Variants in PPM1A observed in about 807,000 individuals in gnomAD.
PPM1A encodes protein phosphatase 1A.
PPM1A carries 7 observed loss-of-function variants against 35.0 expected under a neutral mutation model. The observed-to-expected ratio is 0.20, with a 90% CI of 0.11 to 0.38. The LOEUF (loss-of-function observed/expected upper bound fraction) is 0.38, where lower values mean the gene tolerates loss of function less well. Ranked by LOEUF, PPM1A falls within the 10% of genes least tolerant of loss-of-function variation. The probability of loss-of-function intolerance (pLI) is 1.00; values close to 1 mark genes in which losing one functional copy is unlikely to be tolerated. For synonymous variants in PPM1A, 153 were observed against 167.3 expected, an observed-to-expected ratio of 0.91 and a Z score of 0.66; for missense variants, 239 against 467.8, an observed-to-expected ratio of 0.51 and a Z score of 4.51.
chr14:60,271,461 T>G (rs1885097158), intron 1 of PPM1A, among the ~76,000 whole-genome samples: 1 of 152,200 alleles, frequency 6.6e-6, no homozygotes, highest in Admixed American at 6.5e-5. Context: ...TAGTCAAAAA[T>G]TGGATTAGAG....
chr14:60,250,381 T>C, intron 1 of PPM1A: 1 of 979,494 alleles, frequency 1.0e-6, no homozygotes, highest in Non-Finnish European at 1.2e-6. Flanking sequence ...TGCTTGTAGA[T>C]TTTAAATAAA....
At chr14:60,250,049 G>GGCGTCCCCGCGCCCCCACCCGCTCGGGC (rs1420602897) in intron 1 of PPM1A, among the ~76,000 whole-genome samples, 4 of 151,514 alleles carry the variant, frequency 2.6e-5, no homozygotes, top group African/African-American at 4.8e-5. Flanking sequence ...GCGGGGAGGG[G>GGCGTCCCCGCGCCCCCACCCGCTCGGGC]GCGTCCCCGC....
Position 60,294,725 on chromosome 14 carries a change from TGA to T in PPM1A, c.*2245_*2246del, listed in dbSNP as rs1432493015. On this transcript the variant is annotated 3_prime_UTR_variant, in exon 6 of 6. Coordinates refer to ENST00000395076, the MANE Select transcript of PPM1A (RefSeq NM_021003.5). ...CAGCATATTTAGAGCCTTTTTTTTT[TGA>T]GTCTTTAAACAAGAGAAAATTAAAA... 1 of 151,738 alleles carries T rather than the reference TGA, an allele frequency of 6.6e-6. No homozygotes were observed. Among genetic ancestry groups the T allele is most frequent in the East Asian group, 1.9e-4 (1 of 5,192 alleles). The allele number at this position is 151,738 out of a possible 1,614,324, so 9.4% of individuals were successfully genotyped here.
At chr14:60,265,748 G>A (rs1191321791) in intron 1 of PPM1A, among the ~76,000 whole-genome samples, 1 of 152,098 alleles carries the variant, frequency 6.6e-6, no homozygotes, top group African/African-American at 2.4e-5. Context: ...CAGATGGAAG[G>A]CAGGAATGCA....
At chr14:60,262,450 G>A (rs564250269) in intron 1 of PPM1A, among the ~76,000 whole-genome samples, 2 of 152,258 alleles carry the variant, frequency 1.3e-5, no homozygotes, top group African/African-American at 2.4e-5. Context: ...TTGGGAAGCC[G>A]AGGCGGGAGG....
At chr14:60,277,215 A>G (rs1465113178) in intron 1 of PPM1A, 1 of 200,376 alleles carries the variant, frequency 5.0e-6, no homozygotes, top group Non-Finnish European at 9.8e-6. Context: ...AATACTCTTT[A>G]TTAGTCCACT....
chr14:60,256,289 C>T (rs943755711), intron 1 of PPM1A, among the ~76,000 whole-genome samples: 30 of 137,642 alleles, frequency 2.2e-4, no homozygotes, highest in Non-Finnish European at 4.6e-4. Flanking sequence ...CGTGGTGGCA[C>T]GGGCATGGTG....
intron 1 of PPM1A, chr14:60,277,160 TTA>T: frequency 3.9e-6 from 2 of 517,852 alleles, no homozygotes; most frequent in Non-Finnish European, 5.5e-6. Context: ...CCCTTGGGAT[TTA>T]CTATTTATGG....
chr14:60,288,179 T>C (rs1202544767), intron 3 of PPM1A: 31 of 984,912 alleles, frequency 3.1e-5, no homozygotes, highest in Non-Finnish European at 3.5e-5. Flanking sequence ...TTTAAAGCTT[T>C]ACATTATTTT....
rs1204276107 is a variant in PPM1A, at chr14:60,292,795, TTTAA to T, written c.*317_*320del. 8.1e-6 allele frequency: 2 copies of T among 246,970 alleles called. No individual in the cohort carries two copies. The highest frequency in any genetic ancestry group is 4.5e-5 in the African/African-American group (2 of 44,466). The allele number at this position is 246,970 out of a possible 1,614,324, so 15.3% of individuals were successfully genotyped here. On this transcript the variant is annotated 3_prime_UTR_variant, in exon 6 of 6. Coordinates refer to ENST00000395076, the MANE Select transcript of PPM1A (RefSeq NM_021003.5). The surrounding 1 kb of genome is among the most constrained non-coding windows in gnomAD (Gnocchi z 4.2). ...ATTGTCCTTGTACAAAATGCTCATA[TTTAA>T]TTATGAACTGCTTTAAATCACTATC... is the stretch of plus-strand genomic sequence containing the variant.
In PPM1A at chr14:60,283,129, T is replaced by A; in HGVS notation, c.426T>A (p.Ile142=). ...VLISPQHTYF[I]NCGDSRGLLC... ...TTTCTCCCCAACATACTTATTTCATTAACTGTGGAGACTCAAGAGGTTTAC... is the reference window on the plus strand; with the variant it reads ...TTTCTCCCCAACATACTTATTTCATAAACTGTGGAGACTCAAGAGGTTTAC... Residue 142 remains isoleucine (I), a synonymous_variant, in exon 2 of 6, where the codon ATT becomes ATA. Transcript: ENST00000395076. The surrounding 1 kb of genome is among the most constrained non-coding windows in gnomAD (Gnocchi z 6.3). 6.2e-7 allele frequency: 1 copy of A among 1,614,212 alleles called. No homozygotes were observed. Among genetic ancestry groups the A allele is most frequent in the Non-Finnish European group, 8.5e-7 (1 of 1,180,036 alleles).
intron 1 of PPM1A, chr14:60,277,056 G>A: frequency 8.3e-7 from 1 of 1,206,656 alleles, no homozygotes; most frequent in South Asian, 1.5e-5. Flanking sequence ...GCTGTGATGA[G>A]ACTCAGCTTG....
chr14:60,284,339 A>G (rs1013246930), intron 2 of PPM1A, among the ~76,000 whole-genome samples: 1 of 152,132 alleles, frequency 6.6e-6, no homozygotes, highest in Non-Finnish European at 1.5e-5. Flanking sequence ...AAATGGAGAT[A>G]ATAGTATCTT....
In PPM1A at chr14:60,289,947, T is replaced by C. The variant is rs760311245; in HGVS notation, c.1061+33T>C. On this transcript the variant is annotated intron_variant, in intron 4 of 5. Coordinates refer to ENST00000395076, the MANE Select transcript of PPM1A (RefSeq NM_021003.5). The surrounding 1 kb of genome is among the most constrained non-coding windows in gnomAD (Gnocchi z 4.1). The stretch of plus-strand genomic sequence containing the variant: ...ACATTCTGTACACTCTTATGCTTTA[T>C]GTCAGTGTATGAAAATGTTAGGTAT... The C allele has an allele frequency of 7.4e-7, 1 of 1,354,044 alleles. No homozygotes were observed. The highest frequency in any genetic ancestry group is 2.6e-5 in the East Asian group (1 of 38,352). The allele number at this position is 1,354,044 out of a possible 1,614,324, so 83.9% of individuals were successfully genotyped here. A position where few individuals can be genotyped will look rare whatever the true frequency, so the allele number is the denominator to read the frequency against.
rs574294529 is a variant in PPM1A at position 60,265,555 on chromosome 14, G to C, written c.-21+15878G>C. The stretch of plus-strand genomic sequence containing the variant: ...TATTTAACATACATTAAAATGTTTG[G>C]AACAGATACATTTCAAAAGTGAATA... On this transcript the variant is annotated intron_variant, in intron 1 of 5. Transcript: ENST00000395076. 3.1e-4 allele frequency among the ~76,000 whole-genome samples: 47 copies of C among 152,280 alleles called. 1 individual carries two copies. The South Asian group carries it at 6.8e-3, about 22-fold the overall frequency.
At chr14:60,249,166 G>A (rs1394225877), upstream of PPM1A, 4 of 922,604 alleles carry the variant, frequency 4.3e-6, no homozygotes, top group African/African-American at 1.8e-5. This position sits in a 1 kb window ranked among gnomAD's most constrained non-coding sequence, Gnocchi z 4.5. Flanking sequence ...CGGGGCGAGC[G>A]GAGGGGTGGG....
chr14:60,269,635 G>A (rs1278533477), intron 1 of PPM1A, among the ~76,000 whole-genome samples: 9 of 152,004 alleles, frequency 5.9e-5, no homozygotes, highest in African/African-American at 1.9e-4. Context: ...TGCAGCCTCC[G>A]CCTCCTGGGT....
At chr14:60,291,594 C>T (rs916931389) in intron 5 of PPM1A, 140 bp downstream of exon 5, 3 of 527,622 alleles carry the variant, frequency 5.7e-6, no homozygotes, top group African/African-American at 2.0e-5. Context: ...ACTCTGCTTG[C>T]TCTGATCTCT....
intron 1 of PPM1A, among the ~76,000 whole-genome samples, chr14:60,274,896 C>T (rs8012211): frequency 0.48 from 72,485 of 150,798 alleles, 21,617 homozygotes; most frequent in African/African-American, 0.85. Flanking sequence ...TCCCTCTTTT[C>T]AACTTCTGAA....
Sources: gnomAD v4.1 joint callset for allele counts (sites outside exome capture counted in the v4.1 genomes callset) on GRCh38, gnomAD v4.1.1 for gene constraint, Gnocchi (gnomAD v3.1) non-coding constraint, MANE v1.5 for transcripts, NCBI Gene and HGNC (gene_info 2026-07-23, HGNC 2026-07-21) for gene names.